The following ABCC4 variants were observed in gnomAD, a reference collection of about 807,000 sequenced individuals.
ABCC4 encodes ATP-binding cassette sub-family C member 4.
A neutral mutation model predicts 168.5 loss-of-function variants in ABCC4; 102 were observed. That is an observed-to-expected ratio of 0.61 (90% CI 0.52 to 0.71). The LOEUF (loss-of-function observed/expected upper bound fraction) is 0.71, where lower values mean the gene tolerates loss of function less well. Among genes scored for constraint, ABCC4 ranks in the 30% least tolerant of loss-of-function variants. ABCC4 has a pLI of 0.00. For missense variants in ABCC4, 1,402 were observed against 1,605.8 expected (o/e 0.87, Z 2.17); for synonymous variants, 617 against 590.7 (o/e 1.04, Z -0.65).
chr13:95,200,272 G>A (rs1194516387), intron 8 of ABCC4, among the ~76,000 whole-genome samples: 2 of 152,204 alleles, frequency 1.3e-5, no homozygotes, highest in African/African-American at 4.8e-5. Flanking sequence ...CAAAACAGGT[G>A]TCTGCGTGCT....
intron 13 of ABCC4, among the ~76,000 whole-genome samples, chr13:95,174,976 T>A (rs2037617536): frequency 6.6e-6 from 1 of 152,236 alleles, no homozygotes; most frequent in Admixed American, 6.5e-5. Flanking sequence ...TTTAATTGTA[T>A]AGCTTGGTCG....
At chr13:95,045,850 T>C (rs1053596222) in intron 27 of ABCC4, among the ~76,000 whole-genome samples, 10 of 152,166 alleles carry the variant, frequency 6.6e-5, no homozygotes, top group African/African-American at 1.9e-4. Flanking sequence ...CGGGTAACAT[T>C]GTCATGTACC....
chr13:95,099,503 G>A (rs2034723467), intron 20 of ABCC4, among the ~76,000 whole-genome samples: 1 of 152,124 alleles, frequency 6.6e-6, no homozygotes, highest in Admixed American at 6.5e-5. Flanking sequence ...AATAAAAATA[G>A]ATAGGGTAAA....
intron 8 of ABCC4, among the ~76,000 whole-genome samples, chr13:95,197,251 T>C (rs1279700903): frequency 2.0e-5 from 3 of 152,210 alleles, no homozygotes; most frequent in Admixed American, 6.5e-5. Context: ...CAATCAGCTA[T>C]GTCAGTTAGC....
chr13:95,164,277 C>T (rs2037200866), intron 16 of ABCC4, 101 bp downstream of exon 16: 1 of 1,447,920 alleles, frequency 6.9e-7, no homozygotes. Flanking sequence ...CAGCACATTT[C>T]AATTCAGACC....
chr13:95,116,019 G>GA lies in ABCC4; in HGVS notation c.2456-19dup. 6.3e-7 allele frequency: 1 copy of GA among 1,589,858 alleles called. No individual in the cohort carries two copies. Among genetic ancestry groups the GA allele is most frequent in the Non-Finnish European group, 8.6e-7 (1 of 1,164,060 alleles). ...AATTCTTCCTGCAAGAACAGGATAT[G>GA]AAAAATTACTCATTTCCCCAGATAG... On this transcript the variant is annotated intron_variant, in intron 19 of 30. Transcript: ENST00000645237.
intron 1 of ABCC4, among the ~76,000 whole-genome samples, chr13:95,273,877 G>A (rs9561825): frequency 0.25 from 37,005 of 147,452 alleles, 4,910 homozygotes; most frequent in South Asian, 0.42. Context: ...ATGCAGTGGC[G>A]CGATCTAGGC....
chr13:95,175,180 C>A (rs1353864058), intron 13 of ABCC4, among the ~76,000 whole-genome samples: 1 of 152,212 alleles, frequency 6.6e-6, no homozygotes, highest in African/African-American at 2.4e-5. Flanking sequence ...TACTCTCACA[C>A]AGCCGACTCG....
Position 95,194,838 on chromosome 13 carries a change from T to C in ABCC4, c.1261A>G (p.Lys421Glu). ...ATCTTGCATTAAGGATATGTTACCT[T>C]ATCCCAAAAAGCAGTAAAATCCTGC... The part of the protein sequence containing the change: ...HVQDFTAFWD[K>E]ASETPTLQGL... The change falls in exon 9 of 31, where the codon AAG becomes GAG. Residue 421 changes from lysine (K) to glutamate (E), a missense_variant and splice_region_variant. Physicochemically the swap from Lys to Glu is moderately conservative, Grantham distance 56. This residue lies in a region of ABCC4 where 1,007 missense variants were observed against 1,127.3 expected (regional missense o/e 0.89). Coordinates refer to ENST00000645237, the MANE Select transcript of ABCC4 (RefSeq NM_005845.5). The C allele has an allele frequency of 6.2e-7, 1 of 1,613,362 alleles. No individual in the cohort carries two copies. Among genetic ancestry groups the C allele is most frequent in the East Asian group, 2.2e-5 (1 of 44,874 alleles).
In ABCC4 at chr13:95,210,720, A is replaced by G. The variant is rs1312613967; in HGVS notation, c.593T>C (p.Leu198Pro). The G allele has an allele frequency of 2.5e-6, 4 of 1,614,246 alleles. No homozygotes were observed. The highest frequency in any genetic ancestry group is 1.1e-5 in the South Asian group (1 of 91,082). ...ATCAAACTTGTTCACATCATTGGACAGCAGATTGACTATCTGGCCTGTGGT... is the reference window on the plus strand; with the variant it reads ...ATCAAACTTGTTCACATCATTGGACGGCAGATTGACTATCTGGCCTGTGGT... The part of the protein sequence containing the change: ...KTTTGQIVNL[L>P]SNDVNKFDQV... The change falls in exon 5 of 31, where the codon CTG becomes CCG. Residue 198 changes from leucine (L) to proline (P), a missense_variant. Coordinates refer to ENST00000645237, the MANE Select transcript of ABCC4 (RefSeq NM_005845.5).
At chr13:95,189,024 T>G (rs1278271141) in intron 9 of ABCC4, among the ~76,000 whole-genome samples, 1 of 151,968 alleles carries the variant, frequency 6.6e-6, no homozygotes, top group Admixed American at 6.6e-5. Flanking sequence ...TATGTATTTG[T>G]CCTAATGCTC....
chr13:95,296,176 ACAC>A (rs1566609482), intron 1 of ABCC4, among the ~76,000 whole-genome samples: 37 of 50,774 alleles, frequency 7.3e-4, no homozygotes, highest in African/African-American at 1.8e-3. Context: ...ACACACACAC[ACAC>A]ACACAAAAAC....
intron 30 of ABCC4, among the ~76,000 whole-genome samples, chr13:95,033,526 C>T (rs1378304435): frequency 6.6e-6 from 1 of 152,218 alleles, no homozygotes; most frequent in Non-Finnish European, 1.5e-5. Flanking sequence ...GAATGAGATA[C>T]TTCCACATCA....
chr13:95,245,425 G>T (rs1217223196), intron 3 of ABCC4, among the ~76,000 whole-genome samples: 2 of 152,204 alleles, frequency 1.3e-5, no homozygotes, highest in Admixed American at 6.5e-5. Context: ...AGGAAATCCT[G>T]CACACACTGG....
chr13:95,079,110 C>T (rs1303230709), intron 21 of ABCC4, among the ~76,000 whole-genome samples: 2 of 152,186 alleles, frequency 1.3e-5, no homozygotes, highest in African/African-American at 2.4e-5. Flanking sequence ...CCACTTAGGG[C>T]TGAGAGGGCT....
chr13:95,099,659 G>A (rs189056898), intron 20 of ABCC4, among the ~76,000 whole-genome samples: 29 of 152,224 alleles, frequency 1.9e-4, no homozygotes, highest in African/African-American at 6.7e-4. Flanking sequence ...GAGAACTAAT[G>A]GTAACCAGCC....
At chr13:95,084,032 T>C (rs2034183782) in intron 20 of ABCC4, among the ~76,000 whole-genome samples, 1 of 152,194 alleles carries the variant, frequency 6.6e-6, no homozygotes, top group African/African-American at 2.4e-5. Context: ...AAGTGACTAA[T>C]TGCAAATTCA....
chr13:95,185,046 T>C (rs1004675871), intron 11 of ABCC4, among the ~76,000 whole-genome samples: 3 of 152,154 alleles, frequency 2.0e-5, no homozygotes, highest in Admixed American at 1.3e-4. Flanking sequence ...CAGGACAAGC[T>C]GAAGTATAGT....
At chr13:95,202,126 A>G (rs911618705) in intron 8 of ABCC4, among the ~76,000 whole-genome samples, 15 of 152,174 alleles carry the variant, frequency 9.9e-5, no homozygotes, top group Non-Finnish European at 1.6e-4. Flanking sequence ...ATCCTACATA[A>G]TGTCAGCGGG....
Sources: allele counts gnomAD v4.1 joint callset (sites outside exome capture counted in the v4.1 genomes callset), GRCh38; gene constraint gnomAD v4.1.1; regional missense constraint gnomAD v4.1.1; transcripts MANE v1.5; gene names NCBI Gene and HGNC (gene_info 2026-07-23, HGNC 2026-07-21).